The following TPTE variants were observed in gnomAD, a reference collection of about 807,000 sequenced individuals.
TPTE encodes the protein transmembrane phosphatase with tensin homology.
In TPTE, 59 loss-of-function variants were observed where a neutral mutation model predicts 84.1. That is an observed-to-expected ratio of 0.70 (90% CI 0.57 to 0.87). The LOEUF (loss-of-function observed/expected upper bound fraction) is 0.87, where lower values mean the gene tolerates loss of function less well. Among genes scored for constraint, TPTE ranks in the 40% least tolerant of loss-of-function variants. The pLI is 0.00. For synonymous variants in TPTE, 130 were observed against 223.5 expected (o/e 0.58, Z 3.73); for missense variants, 382 against 659.6 (o/e 0.58, Z 4.61).
intron 3 of TPTE, among the ~76,000 whole-genome samples, chr21:10,533,959 G>C (rs1051151632): frequency 6.6e-6 from 1 of 152,278 alleles, no homozygotes; most frequent in Non-Finnish European, 1.5e-5. Context: ...CAGCTTTGTT[G>C]TTTACAACTG....
intron 5 of TPTE, among the ~76,000 whole-genome samples, chr21:10,541,502 A>ACG (rs1406485585): frequency 6.6e-6 from 1 of 152,306 alleles, no homozygotes; most frequent in Non-Finnish European, 1.5e-5. Context: ...ATGCACACAC[A>ACG]CACACACAAA....
chr21:10,545,722 T>C (rs2074453881), intron 7 of TPTE, among the ~76,000 whole-genome samples: 1 of 151,536 alleles, frequency 6.6e-6, no homozygotes, highest in Non-Finnish European at 1.5e-5. Context: ...ATGTAATATA[T>C]ATAGATATAT....
intron 17 of TPTE, among the ~76,000 whole-genome samples, chr21:10,590,248 T>G (rs1239540584): frequency 5.3e-5 from 8 of 152,306 alleles, no homozygotes; most frequent in Non-Finnish European, 1.2e-4. Flanking sequence ...TGGTGAGAGA[T>G]ATTTTTACTG....
intron 3 of TPTE, among the ~76,000 whole-genome samples, chr21:10,528,446 A>G (rs2074119393): frequency 6.6e-6 from 1 of 152,312 alleles, no homozygotes; most frequent in Non-Finnish European, 1.5e-5. Context: ...GTTTTAAGTA[A>G]GCTAAGTCAT....
intron 14 of TPTE, among the ~76,000 whole-genome samples, chr21:10,577,069 G>A (rs1006569965): frequency 1.3e-5 from 2 of 152,308 alleles, no homozygotes; most frequent in African/African-American, 2.4e-5. Context: ...ACTGTAATAT[G>A]CAGATCACTC....
chr21:10,594,176 C>T (rs541650856), intron 19 of TPTE, among the ~76,000 whole-genome samples: 144 of 152,098 alleles, frequency 9.5e-4, no homozygotes, highest in Non-Finnish European at 1.7e-3. Context: ...TCACACATCC[C>T]ATACTCCAAC....
At chr21:10,589,590 CTTT>C (rs1568760419) in intron 17 of TPTE, among the ~76,000 whole-genome samples, 3 of 152,308 alleles carry the variant, frequency 2.0e-5, no homozygotes, top group African/African-American at 7.2e-5. Flanking sequence ...TTCCCTGTGT[CTTT>C]CCCCCACAAA....
chr21:10,557,194 G>A (rs1259007600), intron 8 of TPTE, among the ~76,000 whole-genome samples: 11 of 152,422 alleles, frequency 7.2e-5, no homozygotes, highest in South Asian at 2.1e-4. Flanking sequence ...GCTATGCTTC[G>A]TGTTGCTTCA....
chr21:10,586,801 A>G (rs1305515004), intron 17 of TPTE, among the ~76,000 whole-genome samples: 3 of 152,426 alleles, frequency 2.0e-5, no homozygotes, highest in Non-Finnish European at 4.4e-5. Context: ...CATTAGATTA[A>G]GGAGTTATTC....
chr21:10,537,459 A>G (rs2074286312), intron 3 of TPTE, among the ~76,000 whole-genome samples: 2 of 152,308 alleles, frequency 1.3e-5, no homozygotes, highest in Admixed American at 1.3e-4. Flanking sequence ...TGGGTGGATC[A>G]CGAGGTCAGG....
intron 2 of TPTE, among the ~76,000 whole-genome samples, chr21:10,525,395 A>G (rs1336684955): frequency 3.3e-5 from 5 of 152,306 alleles, no homozygotes; most frequent in African/African-American, 9.6e-5. Flanking sequence ...TCCTATCTCC[A>G]GGAACGTTTA....
rs937857864 is a variant in TPTE at position 10,523,933 on chromosome 21, A to G, written c.-210-647A>G. On this transcript the variant is annotated intron_variant, in intron 1 of 23. Transcript: ENST00000618007. ...CCACCAACAGTGTAAAAGTGTTCCT[A>G]TTTCTCCACATCCTCTCCAGCACCT... is the stretch of plus-strand genomic sequence containing the variant. Among the ~76,000 whole-genome samples, 14 of 152,418 alleles carry G rather than the reference A, an allele frequency of 9.2e-5. No individual in the cohort carries two copies. The East Asian group carries it at 9.6e-4, about 10-fold the overall frequency.
At chr21:10,544,221 T>A (rs2074424380) in intron 7 of TPTE, among the ~76,000 whole-genome samples, 1 of 152,312 alleles carries the variant, frequency 6.6e-6, no homozygotes, top group South Asian at 2.1e-4. Flanking sequence ...TTGTGTTTAA[T>A]CAGTGGCTGA....
intron 3 of TPTE, among the ~76,000 whole-genome samples, chr21:10,529,982 C>A (rs1159192233): frequency 6.6e-6 from 1 of 152,306 alleles, no homozygotes; most frequent in African/African-American, 2.4e-5. Context: ...GAGAGCTATT[C>A]CTACCCCTAT....
chr21:10,588,434 C>T (rs1251660548), intron 17 of TPTE, among the ~76,000 whole-genome samples: 1 of 152,310 alleles, frequency 6.6e-6, no homozygotes, highest in African/African-American at 2.4e-5. Context: ...TTCTCCAGTG[C>T]CTTTAGGGCT....
At chr21:10,544,633 C>T (rs779535660) in intron 7 of TPTE, among the ~76,000 whole-genome samples, 190 of 152,360 alleles carry the variant, frequency 1.2e-3, no homozygotes, top group Non-Finnish European at 2.2e-3. Flanking sequence ...ATCCACCCGC[C>T]TCAGCCTCCC....
At chr21:10,579,768 A>G (rs1439565717) in intron 17 of TPTE, among the ~76,000 whole-genome samples, 6 of 152,310 alleles carry the variant, frequency 3.9e-5, no homozygotes, top group Admixed American at 3.9e-4. Context: ...TATATTATTT[A>G]TCCATTCATC....
chr21:10,562,633 T>C (rs1157073385), intron 10 of TPTE, among the ~76,000 whole-genome samples: 2 of 152,308 alleles, frequency 1.3e-5, no homozygotes, highest in South Asian at 2.1e-4. Context: ...TGCCGAAGAA[T>C]GCATTAGAGT....
intron 9 of TPTE, among the ~76,000 whole-genome samples, chr21:10,560,135 ATT>A (rs1568973702): frequency 6.6e-6 from 1 of 152,308 alleles, no homozygotes; most frequent in Non-Finnish European, 1.5e-5. Context: ...ATATATTAAT[ATT>A]GTTTTTCTTC....
Sources: allele counts gnomAD v4.1 joint callset (sites outside exome capture counted in the v4.1 genomes callset), GRCh38; gene constraint gnomAD v4.1.1; transcripts MANE v1.5; gene names NCBI Gene and HGNC (gene_info 2026-07-23, HGNC 2026-07-21).